The following TRAK1 variants were observed in gnomAD, a reference collection of about 807,000 sequenced individuals.
TRAK1 encodes trafficking kinesin protein 1, also known as trafficking kinesin-binding protein 1.
Under a neutral mutation model 92.1 loss-of-function variants are expected in TRAK1, and 33 were observed. The ratio of observed to expected loss-of-function variants is 0.36; its 90% CI spans 0.27 to 0.48. The LOEUF is 0.48. Among genes scored for constraint, TRAK1 ranks in the 20% least tolerant of loss-of-function variants. TRAK1 has a pLI of 0.99. For synonymous variants in TRAK1, 521 were observed against 517.3 expected (o/e 1.01, Z -0.10); for missense variants, 1,123 against 1,257.9 (o/e 0.89, Z 1.62).
Position 42,202,412 on chromosome 3 carries a change from C to T in TRAK1, c.1428-24C>T, listed in dbSNP as rs1313127164. ...CCTTGGAGCCCTGCTGGCATTCCAC[C>T]CTCACACCCCTTTCTTCTTCCAGAA... is the stretch of plus-strand genomic sequence containing the variant. On this transcript the variant is annotated intron_variant, in intron 12 of 15. Coordinates refer to ENST00000327628, the MANE Select transcript of TRAK1 (RefSeq NM_001042646.3). This position sits in a 1 kb window ranked among gnomAD's most constrained non-coding sequence, Gnocchi z 6.1. 1.4e-6 allele frequency: 2 copies of T among 1,462,634 alleles called. No homozygotes were observed. Among genetic ancestry groups the T allele is most frequent in the Non-Finnish European group, 1.8e-6 (2 of 1,102,942 alleles). 90.6% of individuals were successfully genotyped at this position (1,462,634 alleles called of 1,614,324 possible).
chr3:42,132,446 T>A (rs1697338598), intron 2 of TRAK1, among the ~76,000 whole-genome samples: 1 of 151,796 alleles, frequency 6.6e-6, no homozygotes, highest in African/African-American at 2.4e-5. Flanking sequence ...TATTTTTTTG[T>A]AGAGACAGGG....
intron 1 of TRAK1, among the ~76,000 whole-genome samples, chr3:42,067,282 T>C (rs922173406): frequency 2.0e-5 from 3 of 152,222 alleles, no homozygotes; most frequent in Non-Finnish European, 4.4e-5. Flanking sequence ...ATACAGTTTG[T>C]TCTGAAAATT....
chr3:42,107,374 T>C (rs1420707835), intron 1 of TRAK1, among the ~76,000 whole-genome samples: 1 of 151,912 alleles, frequency 6.6e-6, no homozygotes, highest in Non-Finnish European at 1.5e-5. Context: ...TAGCCTGGCG[T>C]GGTGGTGCGT....
chr3:42,063,807 C>T (rs559547025), intron 1 of TRAK1, among the ~76,000 whole-genome samples: 1 of 152,134 alleles, frequency 6.6e-6, no homozygotes, highest in African/African-American at 2.4e-5. Flanking sequence ...TCTTACCATA[C>T]TCCCATCCAG....
chr3:42,124,819 A>G (rs1263062771), intron 1 of TRAK1, among the ~76,000 whole-genome samples: 5 of 152,236 alleles, frequency 3.3e-5, no homozygotes, highest in South Asian at 2.1e-4. Flanking sequence ...ATGGGCACCT[A>G]TTGGTGTGAT....
Position 42,053,175 on chromosome 3 carries a change from C to A in TRAK1, c.-518-33929C>A, listed in dbSNP as rs80040878. On this transcript the variant is annotated intron_variant, in intron 1 of 16. Coordinates refer to the TRAK1 transcript ENST00000487159. ...CCCACACAGTGAAGTCTTTTCTTTC[C>A]CGTTTGTGTAAGCTAGTGGACCTTA... Among the ~76,000 whole-genome samples the A allele has an allele frequency of 6.9e-3, 1,043 of 152,220 alleles. 53 individuals are homozygous for A. The East Asian group carries it at 0.14, about 20-fold the overall frequency.
chr3:42,131,582 T>G (rs563462370), intron 2 of TRAK1, among the ~76,000 whole-genome samples: 1 of 133,584 alleles, frequency 7.5e-6, no homozygotes, highest in African/African-American at 2.9e-5. Flanking sequence ...CCAGGCATGG[T>G]GGCGTGCACC....
chr3:42,031,275 G>GATCCACCCGCCTCGACCTCCCA (rs1448575261), intron 1 of TRAK1, among the ~76,000 whole-genome samples: 1 of 151,666 alleles, frequency 6.6e-6, no homozygotes, highest in Non-Finnish European at 1.5e-5. Flanking sequence ...CTGACCTTGT[G>GATCCACCCGCCTCGACCTCCCA]ATCCACCCGC....
At chr3:42,055,260 G>C (rs377175567) in intron 1 of TRAK1, among the ~76,000 whole-genome samples, 3 of 151,874 alleles carry the variant, frequency 2.0e-5, no homozygotes, top group Non-Finnish European at 2.9e-5. Context: ...ACCACCCCAA[G>C]GATACAAAAT....
chr3:42,016,502 G>A (rs1701532312), intron 1 of TRAK1, among the ~76,000 whole-genome samples: 1 of 152,228 alleles, frequency 6.6e-6, no homozygotes, highest in African/African-American at 2.4e-5. Context: ...ACCACTCCCA[G>A]TCCCTGTCGT....
At chr3:42,126,222 A>T (rs9858803) in intron 2 of TRAK1, among the ~76,000 whole-genome samples, 73,533 of 151,868 alleles carry the variant, frequency 0.48, 18,084 homozygotes, top group South Asian at 0.61. Context: ...ACAAATCCTT[A>T]GAAACTCACT....
chr3:42,042,433 G>A (rs951710187), intron 1 of TRAK1, among the ~76,000 whole-genome samples: 6 of 152,088 alleles, frequency 3.9e-5, no homozygotes. Flanking sequence ...GTGCAGTGGT[G>A]CAGTCTCAGT....
intron 5 of TRAK1, 100 bp from the exon 6 acceptor site, chr3:42,188,916 A>G (rs1705276518): frequency 2.4e-6 from 2 of 824,446 alleles, no homozygotes; most frequent in Admixed American, 4.2e-5. Context: ...CTGGTGGGTC[A>G]TTGTCCTTCC....
intron 14 of TRAK1, among the ~76,000 whole-genome samples, chr3:42,213,495 T>A (rs2149520253): frequency 6.6e-6 from 1 of 152,366 alleles, no homozygotes; most frequent in East Asian, 1.9e-4. Flanking sequence ...TGCCTCCTTG[T>A]TTGATACATA....
chr3:42,035,468 G>A (rs1220233073), intron 1 of TRAK1, among the ~76,000 whole-genome samples: 4 of 152,140 alleles, frequency 2.6e-5, no homozygotes, highest in Non-Finnish European at 2.9e-5. Flanking sequence ...GACCACCACT[G>A]CCATTACCCG....
intron 1 of TRAK1, among the ~76,000 whole-genome samples, chr3:42,029,352 C>T (rs1702031743): frequency 1.3e-5 from 2 of 152,302 alleles, no homozygotes; most frequent in Middle Eastern, 3.4e-3. Context: ...GATCCTCCCA[C>T]CTCAGCCCCT....
intron 2 of TRAK1, among the ~76,000 whole-genome samples, chr3:42,150,450 T>C (rs527842915): frequency 6.6e-6 from 1 of 152,268 alleles, no homozygotes; most frequent in South Asian, 2.1e-4. Flanking sequence ...GACCCTCATA[T>C]CACATGCCTT....
intron 1 of TRAK1, among the ~76,000 whole-genome samples, chr3:42,023,454 A>T (rs1373107067): frequency 1.3e-5 from 2 of 152,098 alleles, no homozygotes; most frequent in Non-Finnish European, 2.9e-5. Context: ...AACGTGTCCT[A>T]GGCCGTATGT....
Position 42,094,961 on chromosome 3 carries a change from C to T in TRAK1, c.91+3401C>T, listed in dbSNP as rs111985668. On this transcript the variant is annotated intron_variant, in intron 1 of 15. Coordinates refer to ENST00000327628, the MANE Select transcript of TRAK1 (RefSeq NM_001042646.3). ...GGTGGGTCAGCCTGTTTGCTCTATTCAGACCCCAGCTGACTGGATGAGGTC... is the reference window on the plus strand; with the variant it reads ...GGTGGGTCAGCCTGTTTGCTCTATTTAGACCCCAGCTGACTGGATGAGGTC... 7.5e-3 allele frequency among the ~76,000 whole-genome samples: 1,148 copies of T among 152,274 alleles called. 16 individuals carry two copies. The highest frequency in any genetic ancestry group is 0.025 in the African/African-American group (1,053 of 41,540).
Sources: allele counts gnomAD v4.1 joint callset (sites outside exome capture counted in the v4.1 genomes callset), GRCh38; gene constraint gnomAD v4.1.1; non-coding constraint Gnocchi (gnomAD v3.1); transcripts MANE v1.5; gene names NCBI Gene and HGNC (gene_info 2026-07-23, HGNC 2026-07-21).